The following TNS1 variants were observed in gnomAD, a reference collection of about 807,000 sequenced individuals.
The protein encoded by TNS1 is tensin 1.
Under a neutral mutation model 168.6 loss-of-function variants are expected in TNS1, and 62 were observed. The ratio of observed to expected loss-of-function variants is 0.37; its 90% CI spans 0.30 to 0.45. TNS1 has a LOEUF of 0.45. TNS1 is among the 20% of genes least tolerant of loss of function. The probability of loss-of-function intolerance (pLI) is 1.00; values close to 1 mark genes in which losing one functional copy is unlikely to be tolerated. For missense variants in TNS1, 2,240 were observed against 2,339.4 expected, an observed-to-expected ratio of 0.96 and a Z score of 0.88; for synonymous variants, 934 against 933.2, an observed-to-expected ratio of 1.00 and a Z score of -0.02.
intron 22 of TNS1, among the ~76,000 whole-genome samples, chr2:217,829,221 CA>C (rs10602621): frequency 0.38 from 56,941 of 147,932 alleles, 10,984 homozygotes; most frequent in Middle Eastern, 0.49. Context: ...ACTAAAAATA[CA>C]AAAAAAAAAA....
intron 3 of TNS1, among the ~76,000 whole-genome samples, chr2:217,968,886 G>T (rs1668740758): frequency 6.6e-6 from 1 of 152,036 alleles, no homozygotes; most frequent in Non-Finnish European, 1.5e-5. Flanking sequence ...GTAGAGATGG[G>T]GTTTCACCAT....
At chr2:217,963,546 A>G (rs922986346) in intron 3 of TNS1, among the ~76,000 whole-genome samples, 2 of 152,214 alleles carry the variant, frequency 1.3e-5, no homozygotes, top group African/African-American at 4.8e-5. Flanking sequence ...CTACTCAGCT[A>G]TAAGCAGGGG....
chr2:217,821,136 CAT>C (rs149248454), intron 23 of TNS1, among the ~76,000 whole-genome samples: 1,568 of 152,296 alleles, frequency 0.01, 28 homozygotes, highest in African/African-American at 0.036. Context: ...GCCCTTCACT[CAT>C]GTGTGGGCTT....
intron 22 of TNS1, among the ~76,000 whole-genome samples, chr2:217,822,718 A>G (rs2125206056): frequency 6.6e-6 from 1 of 152,270 alleles, no homozygotes; most frequent in East Asian, 1.9e-4. Context: ...AGAAAAGGCC[A>G]TTTTACAGAT....
intron 3 of TNS1, among the ~76,000 whole-genome samples, chr2:217,963,874 T>A (rs1197058687): frequency 7.5e-6 from 1 of 132,538 alleles, no homozygotes; most frequent in Non-Finnish European, 1.6e-5. Context: ...TGAAACCCCA[T>A]CTCTACTAAA....
intron 6 of TNS1, chr2:217,903,464 T>A (rs1953262978): frequency 8.3e-7 from 1 of 1,210,790 alleles, no homozygotes; most frequent in Non-Finnish European, 1.1e-6. Flanking sequence ...GTAATCCTAT[T>A]CTTTTCCTCT....
chr2:217,939,615 C>T (rs940211343), intron 3 of TNS1, among the ~76,000 whole-genome samples: 1 of 152,246 alleles, frequency 6.6e-6, no homozygotes, highest in Non-Finnish European at 1.5e-5. Flanking sequence ...GGCCAAAGGG[C>T]CAGAATTCCC....
intron 28 of TNS1, among the ~76,000 whole-genome samples, chr2:217,811,157 G>C (rs1306468296): frequency 6.6e-6 from 1 of 152,120 alleles, no homozygotes; most frequent in East Asian, 1.9e-4. Flanking sequence ...TGAAATTATA[G>C]GCATGAACCA....
At position 217,897,916 on chromosome 2, in the gene TNS1, T is replaced by C; in HGVS notation, c.425A>G (p.Tyr142Cys). The change falls in exon 8 of 33, where the codon TAC becomes TGC. Residue 142 changes from tyrosine to cysteine, a missense_variant. Transcript: ENST00000682258. ...GACAGCGATGATCCTCTCTGTGACG[T>C]ACACCAGGTCCAGCTCACAGCTGTC... ...MEDSCELDLV[Y>C]VTERIIAVSF... The C allele has an allele frequency of 6.2e-7, 1 of 1,613,144 alleles. No homozygotes were observed. Among genetic ancestry groups the C allele is most frequent in the Non-Finnish European group, 8.5e-7 (1 of 1,179,524 alleles).
At chr2:217,891,525 G>A (rs756776746) in intron 11 of TNS1, among the ~76,000 whole-genome samples, 14 of 152,190 alleles carry the variant, frequency 9.2e-5, no homozygotes, top group Non-Finnish European at 1.8e-4. Flanking sequence ...ATTAAGCAAA[G>A]GTGAGACTGA....
intron 21 of TNS1, 87 bp downstream of exon 21, chr2:217,835,004 C>T: frequency 7.9e-7 from 1 of 1,264,868 alleles, no homozygotes; most frequent in South Asian, 1.6e-5. Context: ...ACCCCCAACC[C>T]TCAGGCCTGG....
chr2:217,807,078 G>C (rs1939278358), intron 32 of TNS1, among the ~76,000 whole-genome samples: 1 of 152,168 alleles, frequency 6.6e-6, no homozygotes, highest in Non-Finnish European at 1.5e-5. Flanking sequence ...TCCCTCCCTT[G>C]CAACTGTCAT....
At chr2:217,941,799 G>A (rs966773397) in intron 3 of TNS1, among the ~76,000 whole-genome samples, 2 of 152,172 alleles carry the variant, frequency 1.3e-5, no homozygotes, top group African/African-American at 2.4e-5. Flanking sequence ...ACCCACCAGG[G>A]TCCTTAGGAA....
intron 18 of TNS1, among the ~76,000 whole-genome samples, chr2:217,868,359 C>T (rs185449836): frequency 5.2e-4 from 79 of 152,312 alleles, no homozygotes; most frequent in African/African-American, 1.9e-3. Context: ...AAGTGGGTCA[C>T]ACCTGGGGAT....
In TNS1 at chr2:217,833,201, G is replaced by A. The variant is rs576700824; in HGVS notation, c.3281-1654C>T. On this transcript the variant is annotated intron_variant, in intron 21 of 32. Transcript: ENST00000682258. ...GTGCAGCGGAGGCGCAGGTGGGCCC[G>A]TGAGGAGGTGAAGCGGACGAGAGGA... 5.9e-5 allele frequency among the ~76,000 whole-genome samples: 9 copies of A among 152,338 alleles called. No individual in the cohort carries two copies. In the East Asian group the frequency reaches 7.7e-4, roughly 13 times the overall value.
chr2:217,805,517 C>A (rs1210864166), intron 32 of TNS1, among the ~76,000 whole-genome samples: 13 of 6,926 alleles, frequency 1.9e-3, no homozygotes, highest in East Asian at 4.0e-3. Context: ...CCACACACAC[C>A]ACACACACCA....
Position 217,812,371 on chromosome 2 carries a change from G to C in TNS1, c.5029C>G (p.Arg1677Gly). The change falls in exon 28 of 33, where the codon CGA becomes GGA. Residue 1677 changes from arginine (R) to glycine (G), a missense_variant. Arg to Gly is a moderately radical substitution (Grantham distance 125, BLOSUM62 -2). This residue lies in a region of TNS1 where 2,131 missense variants were observed against 2,171.2 expected (regional missense o/e 0.98). Coordinates refer to ENST00000682258, the MANE Select transcript of TNS1 (RefSeq NM_001387777.1). ...GCCAGGAGTCTCACGTTCCTACCTC[G>C]GTTTGGAATGACCAGCTTGCAAGGC... ...ALPCKLVIPN[R>G]DPTDESKDSS... 1.2e-6 allele frequency: 2 copies of C among 1,613,762 alleles called. No individual in the cohort carries two copies. The highest frequency in any genetic ancestry group is 1.7e-6 in the Non-Finnish European group (2 of 1,179,826).
At chr2:217,810,092 G>T in intron 29 of TNS1, 101 bp from the exon 30 acceptor site, 2 of 1,492,732 alleles carry the variant, frequency 1.3e-6, no homozygotes, top group South Asian at 1.2e-5. Flanking sequence ...TAAATTTCAG[G>T]CTAGCCTTGA....
intron 24 of TNS1, among the ~76,000 whole-genome samples, chr2:217,816,055 C>T (rs35955543): frequency 0.19 from 28,692 of 152,126 alleles, 3,458 homozygotes; most frequent in Middle Eastern, 0.32. Context: ...GGAGCTCAGA[C>T]AGGACACAGT....
Sources: gnomAD v4.1 joint callset for allele counts (sites outside exome capture counted in the v4.1 genomes callset) on GRCh38, gnomAD v4.1.1 for gene constraint, gnomAD v4.1.1 regional missense constraint, MANE v1.5 for transcripts, NCBI Gene and HGNC (gene_info 2026-07-23, HGNC 2026-07-21) for gene names.